MNS1: variants seen among roughly 807,000 people sequenced by gnomAD.
MNS1 encodes meiosis specific nuclear structural 1, also known as meiosis-specific nuclear structural protein 1.
A neutral mutation model predicts 72.0 loss-of-function variants in MNS1; 63 were observed. That is an observed-to-expected ratio of 0.87 (90% CI 0.71 to 1.08). The LOEUF (loss-of-function observed/expected upper bound fraction) is 1.08. Ranked by LOEUF, MNS1 falls within the 50% of genes least tolerant of loss-of-function variation. MNS1 has a pLI of 0.00. For missense variants in MNS1, 604 were observed against 562.4 expected (o/e 1.07, Z -0.75); for synonymous variants, 188 against 172.1 (o/e 1.09, Z -0.72).
intron 9 of MNS1, among the ~76,000 whole-genome samples, chr15:56,430,334 G>A (rs1304404480): frequency 6.6e-6 from 1 of 152,150 alleles, no homozygotes; most frequent in African/African-American, 2.4e-5. Context: ...AGCCTCCAGA[G>A]TATCTGGGAC....
chr15:56,433,255 C>T (rs1331122390), intron 8 of MNS1, among the ~76,000 whole-genome samples: 3 of 14,064 alleles, frequency 2.1e-4, no homozygotes, highest in Middle Eastern at 0.029. Flanking sequence ...CAGGGCCTGT[C>T]GGGGGGTGGG....
Position 56,429,037 on chromosome 15 carries a change from A to AAAGTT in MNS1, c.*59_*63dup. ...CCTAATGCCACTGAACTGTAAAACA[A>AAAGTT]AAGTTATGCTGACATCTAGTGGTAA... is the stretch of plus-strand genomic sequence containing the variant. On this transcript the variant is annotated 3_prime_UTR_variant, in exon 10 of 10. Coordinates refer to ENST00000260453, the MANE Select transcript of MNS1 (RefSeq NM_018365.4). 6 of 1,066,332 alleles carry AAAGTT rather than the reference A, an allele frequency of 5.6e-6. No homozygotes were observed. The highest frequency in any genetic ancestry group is 8.1e-6 in the Non-Finnish European group (6 of 737,798). The allele number at this position is 1,066,332 out of a possible 1,614,324, so 66.1% of individuals were successfully genotyped here. A position where few individuals can be genotyped will look rare whatever the true frequency, so the allele number is the denominator to read the frequency against.
At chr15:56,453,707 G>A (rs2050962567) in intron 3 of MNS1, among the ~76,000 whole-genome samples, 1 of 152,110 alleles carries the variant, frequency 6.6e-6, no homozygotes, top group East Asian at 1.9e-4. Flanking sequence ...AAAATAAACA[G>A]TGAGTTTCCC....
chr15:56,433,679 G>A (rs2050662935), intron 8 of MNS1, among the ~76,000 whole-genome samples: 2 of 151,954 alleles, frequency 1.3e-5, no homozygotes, highest in South Asian at 2.1e-4. Context: ...CACTTGAATC[G>A]TCTTTCAAAG....
At chr15:56,463,821 T>C (rs1281995528) in intron 2 of MNS1, 2 of 524,178 alleles carry the variant, frequency 3.8e-6, no homozygotes, top group Non-Finnish European at 6.6e-6. Flanking sequence ...CAAGGGTCCG[T>C]AGCTAAGGTA....
intron 3 of MNS1, among the ~76,000 whole-genome samples, chr15:56,451,303 T>C (rs2050945421): frequency 6.6e-6 from 1 of 152,182 alleles, no homozygotes; most frequent in South Asian, 2.1e-4. Flanking sequence ...GGGTCCTGCA[T>C]TGGGAACAAG....
chr15:56,447,232 TATC>T (rs1320105737), intron 3 of MNS1: 1 of 203,982 alleles, frequency 4.9e-6, no homozygotes, highest in Admixed American at 5.4e-5. Flanking sequence ...TACGTCTACA[TATC>T]ATGGATAAGT....
intron 7 of MNS1, among the ~76,000 whole-genome samples, chr15:56,437,354 A>G (rs1411287305): frequency 6.6e-6 from 1 of 152,220 alleles, no homozygotes; most frequent in Non-Finnish European, 1.5e-5. Flanking sequence ...AACAGAACCA[A>G]TGACAAAAAA....
At chr15:56,439,763 A>C (rs74015427) in intron 7 of MNS1, among the ~76,000 whole-genome samples, 7 of 150,870 alleles carry the variant, frequency 4.6e-5, no homozygotes, top group Admixed American at 2.6e-4. Context: ...AAAAAAAAAA[A>C]CCCAAAAAAA....
chr15:56,446,930 C>G lies in MNS1; in HGVS notation c.367G>C (p.Glu123Gln). ...QVRENSIELR[E>Q]LEKKLKAAYM... ...GCTGCTTTTAATTTCTTCTCCAATT[C>G]TCTAAGCTCAATGCTGTTTAAAAAA... Residue 123 changes from glutamate (E) to glutamine (Q), a missense_variant, in exon 4 of 10, where the codon GAA (glutamate) becomes CAA (glutamine). Glu to Gln is a conservative substitution (Grantham distance 29). Transcript: ENST00000260453. The G allele has an allele frequency of 6.2e-7, 1 of 1,607,912 alleles. No homozygotes were observed. The highest frequency in any genetic ancestry group is 8.5e-7 in the Non-Finnish European group (1 of 1,178,586).
At chr15:56,442,780 C>T (rs1054523923) in intron 7 of MNS1, among the ~76,000 whole-genome samples, 5 of 152,018 alleles carry the variant, frequency 3.3e-5, no homozygotes, top group African/African-American at 7.2e-5. Flanking sequence ...AACTACCTAT[C>T]GAGTACTATG....
At chr15:56,429,345 T>C in intron 9 of MNS1, 152 bp from the exon 10 acceptor site, 3 of 571,368 alleles carry the variant, frequency 5.3e-6, no homozygotes, top group Non-Finnish European at 8.9e-6. Context: ...ATCAATACTT[T>C]TCAAAAAATA....
Position 56,431,470 on chromosome 15 carries a change from T to C in MNS1, c.1298A>G (p.Gln433Arg). Residue 433 changes from glutamine to arginine, a missense_variant, in exon 9 of 10, where the codon CAG (glutamine) becomes CGG (arginine). Gln to Arg is a conservative substitution (Grantham distance 43). Transcript: ENST00000260453. ...KQRELEEWQLQQRRQGFINAI... is the reference protein window; with the variant it reads ...KQRELEEWQLRQRRQGFINAI... ...ATTAATAAATCCTTGCCGCCTTTGC[T>C]GCAACTGCCACTCTTCTAGTTCACG... is the stretch of plus-strand genomic sequence containing the variant. 6.2e-7 allele frequency: 1 copy of C among 1,613,586 alleles called. No individual in the cohort carries two copies. The highest frequency in any genetic ancestry group is 8.5e-7 in the Non-Finnish European group (1 of 1,179,862).
chr15:56,449,525 G>C (rs1403723741), intron 3 of MNS1, among the ~76,000 whole-genome samples: 1 of 152,168 alleles, frequency 6.6e-6, no homozygotes, highest in Non-Finnish European at 1.5e-5. Context: ...GATTACAGGA[G>C]CTAAATTCAT....
At position 56,460,009 on chromosome 15, in the gene MNS1, A is replaced by AAAAAAAAATATATATATATAT; in HGVS notation, c.226-3489_226-3488insATATATATATATATTTTTTTT. ...CTGTCTCAAAAAAAAAAAAAAAAAA[A>AAAAAAAAATATATATATATAT]ATACATATATATATATATATATATA... is the stretch of plus-strand genomic sequence containing the variant. On this transcript the variant is annotated intron_variant, in intron 2 of 9. Transcript: ENST00000260453. Among the ~76,000 whole-genome samples the AAAAAAAAATATATATATATAT allele has an allele frequency of 3.4e-4, 9 of 26,386 alleles. 2 individuals carry two copies. Among genetic ancestry groups the AAAAAAAAATATATATATATAT allele is most frequent in the Non-Finnish European group, 3.5e-4 (5 of 14,310 alleles). The allele number at this position is 26,386 out of a possible 152,430, so 17.3% of individuals were successfully genotyped here.
chr15:56,436,075 G>A (rs1233531206), intron 7 of MNS1, among the ~76,000 whole-genome samples: 2 of 152,178 alleles, frequency 1.3e-5, no homozygotes, highest in African/African-American at 4.8e-5. Flanking sequence ...AGGATATCCA[G>A]GAATTGAACT....
At chr15:56,450,265 A>G (rs2050939087) in intron 3 of MNS1, among the ~76,000 whole-genome samples, 1 of 152,174 alleles carries the variant, frequency 6.6e-6, no homozygotes, top group Non-Finnish European at 1.5e-5. Context: ...GTGAAAATAT[A>G]TGTAACAAAA....
At chr15:56,461,408 C>A (rs2051019543) in intron 2 of MNS1, among the ~76,000 whole-genome samples, 1 of 152,044 alleles carries the variant, frequency 6.6e-6, no homozygotes, top group African/African-American at 2.4e-5. Flanking sequence ...CACATGTAAT[C>A]CCAGCACTTT....
intron 2 of MNS1, among the ~76,000 whole-genome samples, chr15:56,461,681 A>AC (rs1567155192): frequency 2.0e-5 from 3 of 146,966 alleles, no homozygotes; most frequent in Non-Finnish European, 3.0e-5. Context: ...AAAAAAAAAA[A>AC]ACGACACAGA....
Sources: gnomAD v4.1 joint callset for allele counts (sites outside exome capture counted in the v4.1 genomes callset) on GRCh38, gnomAD v4.1.1 for gene constraint, MANE v1.5 for transcripts, NCBI Gene and HGNC (gene_info 2026-07-23, HGNC 2026-07-21) for gene names.